Variants in PATJ observed in about 807,000 individuals in gnomAD.
PATJ encodes PATJ crumbs cell polarity complex component.
Under a neutral mutation model 224.9 loss-of-function variants are expected in PATJ, and 190 were observed. The ratio of observed to expected loss-of-function variants is 0.84; its 90% CI spans 0.75 to 0.95. The LOEUF (loss-of-function observed/expected upper bound fraction) is 0.95, where lower values mean the gene tolerates loss of function less well. Among genes scored for constraint, PATJ ranks in the 40% least tolerant of loss-of-function variants. The probability of loss-of-function intolerance (pLI) is 0.00; values close to 1 mark genes in which losing one functional copy is unlikely to be tolerated. For synonymous variants in PATJ, 769 were observed against 820.3 expected, an observed-to-expected ratio of 0.94 and a Z score of 1.07; for missense variants, 2,121 against 2,270.3, an observed-to-expected ratio of 0.93 and a Z score of 1.34.
Position 61,826,603 on chromosome 1 carries a change from C to G in PATJ, c.1819-819C>G, listed in dbSNP as rs528058068. On this transcript the variant is annotated intron_variant, in intron 15 of 43. Transcript: ENST00000642238. ...TATATGAAAAATTAGAATTATGTAG[C>G]CAAATCATCTTTGGAGCCAAGTATT... Among the ~76,000 whole-genome samples, 7 of 152,100 alleles carry G rather than the reference C, an allele frequency of 4.6e-5. No individual in the cohort carries two copies. The South Asian group carries it at 1.2e-3, about 27-fold the overall frequency.
intron 1 of PATJ, among the ~76,000 whole-genome samples, chr1:61,761,651 T>C (rs1185688248): frequency 6.6e-6 from 1 of 151,808 alleles, no homozygotes; most frequent in African/African-American, 2.4e-5. Context: ...TAACAAGGCC[T>C]GTTTGTTCAT....
At position 61,833,899 on chromosome 1, in the gene PATJ, G is replaced by A. The variant is rs1167019312; in HGVS notation, c.2112+114G>A. The A allele has an allele frequency of 3.5e-6, 3 of 855,866 alleles. No individual in the cohort carries two copies. In the African/African-American group the frequency reaches 5.2e-5, roughly 15 times the overall value. 53.0% of individuals were successfully genotyped at this position (855,866 alleles called of 1,614,324 possible). A position where few individuals can be genotyped will look rare whatever the true frequency, so the allele number is the denominator to read the frequency against. On this transcript the variant is annotated intron_variant, in intron 17 of 43. Coordinates refer to ENST00000642238, the MANE Select transcript of PATJ (RefSeq NM_001350145.3). ...GACTTAAGCAAAACTGAATCCCAAAGATGGGATATTATACTACTTTCAATT... is the reference window on the plus strand; with the variant it reads ...GACTTAAGCAAAACTGAATCCCAAAAATGGGATATTATACTACTTTCAATT...
intron 41 of PATJ, among the ~76,000 whole-genome samples, chr1:62,132,562 G>A (rs537587322): frequency 6.6e-6 from 1 of 152,226 alleles, no homozygotes; most frequent in South Asian, 2.1e-4. Context: ...GGGTAAAGGA[G>A]CAAGGACTCT....
In PATJ at chr1:62,090,196, G is replaced by A. The variant is rs772554558; in HGVS notation, c.4377+5548G>A. The stretch of plus-strand genomic sequence containing the variant: ...ATGATGAGGGTGAACCTCTTGGGAA[G>A]GTTTACAAGCACACCTGGACCCAAT... On this transcript the variant is annotated intron_variant, in intron 33 of 43. Coordinates refer to ENST00000642238, the MANE Select transcript of PATJ (RefSeq NM_001350145.3). 7.2e-5 allele frequency among the ~76,000 whole-genome samples: 11 copies of A among 152,270 alleles called. 1 individual carries two copies. In the Middle Eastern group the frequency reaches 0.017, roughly 235 times the overall value.
chr1:61,987,102 T>C (rs1213617939), intron 27 of PATJ, among the ~76,000 whole-genome samples: 1 of 152,056 alleles, frequency 6.6e-6, no homozygotes, highest in African/African-American at 2.4e-5. Flanking sequence ...CTGTTTAAGA[T>C]CTTGGGTTTT....
At chr1:62,010,854 T>G (rs1375568510) in intron 28 of PATJ, among the ~76,000 whole-genome samples, 6 of 152,224 alleles carry the variant, frequency 3.9e-5, no homozygotes, top group Non-Finnish European at 8.8e-5. Flanking sequence ...TGTAACCATC[T>G]TCATTATTGA....
chr1:61,909,687 A>G (rs1264976144), intron 25 of PATJ, among the ~76,000 whole-genome samples: 2 of 152,122 alleles, frequency 1.3e-5, no homozygotes, highest in Admixed American at 6.5e-5. Context: ...CCAGGCTTAC[A>G]TATGCACTTC....
At chr1:61,804,113 T>C (rs1301023441) in intron 12 of PATJ, among the ~76,000 whole-genome samples, 7 of 152,174 alleles carry the variant, frequency 4.6e-5, no homozygotes, top group African/African-American at 1.7e-4. Context: ...ATTGCCAATT[T>C]TGTTCAGTTT....
intron 33 of PATJ, among the ~76,000 whole-genome samples, chr1:62,097,844 A>G (rs1001779125): frequency 2.6e-5 from 4 of 152,206 alleles, no homozygotes; most frequent in African/African-American, 9.7e-5. Context: ...CTGACCTACC[A>G]TTTAGAAGGA....
chr1:62,143,732 G>A (rs1262866740), intron 41 of PATJ, among the ~76,000 whole-genome samples: 1 of 152,150 alleles, frequency 6.6e-6, no homozygotes, highest in East Asian at 1.9e-4. Flanking sequence ...TTACAGGCGT[G>A]AGCCACCACG....
chr1:61,949,822 CATG>C (rs1679353492), intron 27 of PATJ, among the ~76,000 whole-genome samples: 1 of 122,778 alleles, frequency 8.1e-6, no homozygotes, highest in Non-Finnish European at 1.9e-5. Context: ...AGGAGAATCA[CATG>C]AACCTGGCAG....
At chr1:61,821,267 G>A (rs573608291) in intron 14 of PATJ, among the ~76,000 whole-genome samples, 1 of 151,914 alleles carries the variant, frequency 6.6e-6, no homozygotes, top group Non-Finnish European at 1.5e-5. Context: ...GGATGGTCTC[G>A]ATCACCTGAC....
intron 1 of PATJ, among the ~76,000 whole-genome samples, chr1:61,760,580 C>T (rs184534745): frequency 4.0e-5 from 6 of 151,664 alleles, no homozygotes; most frequent in South Asian, 2.1e-4. Context: ...TAGAGAATGC[C>T]ACTTTGAGTG....
At chr1:61,864,776 G>T in intron 20 of PATJ, 143 bp downstream of exon 20, 1 of 641,670 alleles carries the variant, frequency 1.6e-6, no homozygotes, top group Non-Finnish European at 2.6e-6. Context: ...GTGTCATCCA[G>T]TGTCTAGCTG....
intron 22 of PATJ, among the ~76,000 whole-genome samples, chr1:61,885,277 C>T (rs1439823052): frequency 6.6e-6 from 1 of 152,138 alleles, no homozygotes; most frequent in Non-Finnish European, 1.5e-5. Flanking sequence ...GCAACCTACT[C>T]ATCTGACAAA....
At chr1:62,152,558 G>A (rs1668734928) in intron 42 of PATJ, among the ~76,000 whole-genome samples, 2 of 152,024 alleles carry the variant, frequency 1.3e-5, no homozygotes, top group South Asian at 4.2e-4. Context: ...GGCTAAGGCA[G>A]GAGAATTGCT....
intron 27 of PATJ, among the ~76,000 whole-genome samples, chr1:61,928,768 T>C (rs1376038649): frequency 1.3e-5 from 2 of 151,658 alleles, no homozygotes; most frequent in African/African-American, 2.4e-5. Context: ...AATTACTATT[T>C]ATATTTTTCT....
intron 27 of PATJ, among the ~76,000 whole-genome samples, chr1:61,943,867 G>A (rs1246288493): frequency 6.6e-6 from 1 of 152,132 alleles, no homozygotes; most frequent in Non-Finnish European, 1.5e-5. Flanking sequence ...ATACGGCTGG[G>A]TGCCCCTCTG....
chr1:62,024,826 T>G (rs1015178916), intron 29 of PATJ, among the ~76,000 whole-genome samples: 2 of 152,142 alleles, frequency 1.3e-5, no homozygotes, highest in African/African-American at 4.8e-5. Flanking sequence ...TCTTACATTT[T>G]GGCAATATGA....
Sources: allele counts gnomAD v4.1 joint callset (sites outside exome capture counted in the v4.1 genomes callset), GRCh38; gene constraint gnomAD v4.1.1; transcripts MANE v1.5; gene names NCBI Gene and HGNC (gene_info 2026-07-23, HGNC 2026-07-21).